THSD7B: variants seen among roughly 807,000 people sequenced by gnomAD.
THSD7B encodes the protein thrombospondin type 1 domain containing 7B.
A neutral mutation model predicts 213.6 loss-of-function variants in THSD7B; 138 were observed. The ratio of observed to expected loss-of-function variants is 0.65; its 90% CI spans 0.56 to 0.74. THSD7B has a LOEUF of 0.74. Among genes scored for constraint, THSD7B ranks in the 30% least tolerant of loss-of-function variants. The pLI, the probability that THSD7B is intolerant of heterozygous loss-of-function variation, is 0.00. For missense variants in THSD7B, 1,931 were observed against 1,991.5 expected, an observed-to-expected ratio of 0.97 and a Z score of 0.58; for synonymous variants, 742 against 687.0, an observed-to-expected ratio of 1.08 and a Z score of -1.25.
Position 137,656,854 on chromosome 2 carries a change from T to A in THSD7B, c.4164T>A (p.Asp1388Glu). Residue 1388 changes from aspartate (D) to glutamate (E), a missense_variant, in exon 23 of 28, where the codon GAT becomes GAA. Coordinates refer to ENST00000409968, the MANE Select transcript of THSD7B (RefSeq NM_001316349.2). Reference protein sequence around the residue: ...EWSTCELTCIDGRSFETVGRQ... With the variant: ...EWSTCELTCIEGRSFETVGRQ... Reference sequence around the variant, plus strand: ...GCACATGTGAATTAACCTGCATTGATGGAAGAAGCTTTGAGACTGTGGGCC... The same window carrying A: ...GCACATGTGAATTAACCTGCATTGAAGGAAGAAGCTTTGAGACTGTGGGCC... 6.2e-7 allele frequency: 1 copy of A among 1,614,014 alleles called. No individual in the cohort carries two copies. Among genetic ancestry groups the A allele is most frequent in the Non-Finnish European group, 8.5e-7 (1 of 1,179,890 alleles).
intron 17 of THSD7B, among the ~76,000 whole-genome samples, chr2:137,599,208 T>G (rs1393620353): frequency 3.3e-5 from 5 of 151,876 alleles, no homozygotes; most frequent in African/African-American, 1.2e-4. Flanking sequence ...ACAAAGGATA[T>G]GAACTCATCA....
chr2:137,623,695 A>C (rs550506961), intron 20 of THSD7B, among the ~76,000 whole-genome samples: 5 of 152,340 alleles, frequency 3.3e-5, no homozygotes, highest in Admixed American at 1.3e-4. Context: ...ACAGACAAAC[A>C]GAGAGCCAAA....
intron 4 of THSD7B, among the ~76,000 whole-genome samples, chr2:137,098,326 C>G (rs1688077912): frequency 6.6e-6 from 1 of 152,180 alleles, no homozygotes; most frequent in Non-Finnish European, 1.5e-5. Flanking sequence ...TAAGCCCTTG[C>G]TATATGCCAA....
intron 2 of THSD7B, among the ~76,000 whole-genome samples, chr2:136,959,671 A>G: frequency 6.6e-6 from 1 of 152,234 alleles, no homozygotes; most frequent in Non-Finnish European, 1.5e-5. Flanking sequence ...AATGTTTTTC[A>G]GCCTAAATTC....
chr2:137,115,244 G>A lies in THSD7B; in HGVS notation c.1320G>A (p.Val440=). 6.2e-7 allele frequency: 1 copy of A among 1,612,596 alleles called. No homozygotes were observed. The highest frequency in any genetic ancestry group is 8.5e-7 in the Non-Finnish European group (1 of 1,179,294). The change falls in exon 5 of 28, where the codon GTG becomes GTA. Residue 440 remains valine, a synonymous_variant. Transcript: ENST00000409968. Reference sequence around the variant, plus strand: ...GCGGTGGGATCCAGACCCGGGAGGTGTACTGTGCCCAGAGCGTACCAGCAG... The same window carrying A: ...GCGGTGGGATCCAGACCCGGGAGGTATACTGTGCCCAGAGCGTACCAGCAG... The part of the protein sequence containing the change: ...VCGGGIQTRE[V]YCAQSVPAAA...
rs565208904 is a variant in THSD7B, at chr2:137,075,754, A to G, written c.950+18524A>G. On this transcript the variant is annotated intron_variant, in intron 3 of 27. Transcript: ENST00000409968. ...GGTCTTTGATGATGGTGACATACAGATGGGTTTTTGGTGTGGATGTCCTTT... is the reference window on the plus strand; with the variant it reads ...GGTCTTTGATGATGGTGACATACAGGTGGGTTTTTGGTGTGGATGTCCTTT... Among the ~76,000 whole-genome samples, 4 of 152,114 alleles carry G rather than the reference A, an allele frequency of 2.6e-5. No homozygotes were observed. The East Asian group carries it at 7.7e-4, about 29-fold the overall frequency.
intron 20 of THSD7B, among the ~76,000 whole-genome samples, chr2:137,639,475 G>A (rs960389757): frequency 1.3e-5 from 2 of 152,174 alleles, no homozygotes; most frequent in South Asian, 2.1e-4. Context: ...ATATGGGGTC[G>A]GAGCCCCCAC....
At chr2:136,858,383 G>T (rs143371021) in intron 1 of THSD7B, among the ~76,000 whole-genome samples, 1 of 152,246 alleles carries the variant, frequency 6.6e-6, no homozygotes, top group East Asian at 1.9e-4. Context: ...TTTATTCTCA[G>T]CTCTCTTAAG....
At chr2:137,127,385 A>G (rs1688648941) in intron 5 of THSD7B, among the ~76,000 whole-genome samples, 1 of 152,180 alleles carries the variant, frequency 6.6e-6, no homozygotes, top group South Asian at 2.1e-4. Flanking sequence ...GTTGCTGATA[A>G]CACACTGCAT....
intron 1 of THSD7B, among the ~76,000 whole-genome samples, chr2:136,867,678 G>A (rs778181): frequency 0.67 from 101,761 of 152,012 alleles, 34,407 homozygotes; most frequent in Middle Eastern, 0.83. Context: ...TTCATGATGC[G>A]TCTGTCTGGG....
At chr2:136,980,479 T>C (rs1359335919) in intron 2 of THSD7B, among the ~76,000 whole-genome samples, 1 of 152,014 alleles carries the variant, frequency 6.6e-6, no homozygotes, top group Non-Finnish European at 1.5e-5. Context: ...CCCCACCCCA[T>C]GAGGAGGAGG....
intron 2 of THSD7B, among the ~76,000 whole-genome samples, chr2:136,894,149 A>G (rs1451325771): frequency 3.3e-5 from 5 of 152,192 alleles, no homozygotes; most frequent in Non-Finnish European, 7.3e-5. Context: ...TAAAATGTGG[A>G]TTTGCCTTTT....
rs571457830 is a variant in THSD7B, at chr2:137,427,526, C to T, written c.2959+15654C>T. On this transcript the variant is annotated intron_variant, in intron 14 of 27. Coordinates refer to ENST00000409968, the MANE Select transcript of THSD7B (RefSeq NM_001316349.2). ...AATATTATTCAGTCTGAAAAAAAAACCTTGCCATTTGTGGCAATATAGATG... is the reference window on the plus strand; with the variant it reads ...AATATTATTCAGTCTGAAAAAAAAATCTTGCCATTTGTGGCAATATAGATG... Among the ~76,000 whole-genome samples, 3 of 151,694 alleles carry T rather than the reference C, an allele frequency of 2.0e-5. No homozygotes were observed. The East Asian group carries it at 5.8e-4, about 29-fold the overall frequency.
At chr2:137,130,938 T>C (rs1327605991) in intron 5 of THSD7B, among the ~76,000 whole-genome samples, 6 of 151,810 alleles carry the variant, frequency 4.0e-5, no homozygotes, top group Non-Finnish European at 5.9e-5. Context: ...GTTCTAGATC[T>C]CTGAGGAATC....
chr2:137,025,336 A>T (rs1359450322), intron 2 of THSD7B, among the ~76,000 whole-genome samples: 1 of 152,150 alleles, frequency 6.6e-6, no homozygotes, highest in Admixed American at 6.5e-5. Flanking sequence ...CTGAAACATA[A>T]TCTCTTCAGA....
In THSD7B at chr2:137,390,360, A is replaced by G. The variant is rs181174606; in HGVS notation, c.2501-15253A>G. Reference sequence around the variant, plus strand: ...GCTAGTTCATTATTGGTATATAGAAATGCTACTGATTTCTGTATATGGATT... The same window carrying G: ...GCTAGTTCATTATTGGTATATAGAAGTGCTACTGATTTCTGTATATGGATT... On this transcript the variant is annotated intron_variant, in intron 12 of 27. Transcript: ENST00000409968. 3.9e-3 allele frequency among the ~76,000 whole-genome samples: 597 copies of G among 152,274 alleles called. 4 individuals carry two copies. Among genetic ancestry groups the G allele is most frequent in the African/African-American group, 0.014 (569 of 41,562 alleles).
At chr2:136,898,701 G>A (rs1684009937) in intron 2 of THSD7B, among the ~76,000 whole-genome samples, 1 of 150,276 alleles carries the variant, frequency 6.7e-6, no homozygotes, top group Admixed American at 6.7e-5. Flanking sequence ...GGAGTGCAGT[G>A]GCATGATCTC....
At chr2:136,893,506 G>A (rs1029153355) in intron 2 of THSD7B, among the ~76,000 whole-genome samples, 1 of 122,174 alleles carries the variant, frequency 8.2e-6, no homozygotes, top group Non-Finnish European at 2.1e-5. Flanking sequence ...AAAGGTCAGA[G>A]TTCAAAACAA....
intron 2 of THSD7B, among the ~76,000 whole-genome samples, chr2:136,957,660 A>G (rs562125752): frequency 6.6e-6 from 1 of 152,154 alleles, no homozygotes; most frequent in Non-Finnish European, 1.5e-5. Flanking sequence ...GATTATGTAC[A>G]TTTTAATACT....
Sources: allele counts gnomAD v4.1 joint callset (sites outside exome capture counted in the v4.1 genomes callset), GRCh38; gene constraint gnomAD v4.1.1; transcripts MANE v1.5; gene names NCBI Gene and HGNC (gene_info 2026-07-23, HGNC 2026-07-21).